The following FLT1 variants were observed in gnomAD, a reference collection of about 807,000 sequenced individuals.
The protein encoded by FLT1 is fms related receptor tyrosine kinase 1, also known as vascular endothelial growth factor receptor 1.
A neutral mutation model predicts 156.3 loss-of-function variants in FLT1; 49 were observed. The ratio of observed to expected loss-of-function variants is 0.31; its 90% CI spans 0.25 to 0.40. The LOEUF is 0.40. FLT1 is among the 10% of genes least tolerant of loss of function. The probability of loss-of-function intolerance (pLI) is 1.00; values close to 1 mark genes in which losing one functional copy is unlikely to be tolerated. For synonymous variants in FLT1, 594 were observed against 583.8 expected (o/e 1.02, Z -0.25); for missense variants, 1,322 against 1,637.2 (o/e 0.81, Z 3.32).
chr13:28,357,803 GT>G, intron 14 of FLT1, 118 bp from the exon 15 acceptor site: 1 of 868,454 alleles, frequency 1.2e-6, no homozygotes, highest in Non-Finnish European at 1.9e-6. Flanking sequence ...CCGAGCTCTA[GT>G]GAACCTGGGG....
At chr13:28,306,809 G>A (rs1475171220) in intron 28 of FLT1, 37 bp from the exon 29 acceptor site, 1 of 1,407,184 alleles carries the variant, frequency 7.1e-7, no homozygotes, top group Non-Finnish European at 1.0e-6. Context: ...CTCTTGCCTG[G>A]CCCAGCGGGG....
chr13:28,467,583 T>G lies in FLT1; in HGVS notation c.99A>C (p.Glu33Asp), dbSNP rs1249069762. 6.2e-7 allele frequency: 1 copy of G among 1,609,632 alleles called. No individual in the cohort carries two copies. The highest frequency in any genetic ancestry group is 1.1e-5 in the South Asian group (1 of 90,210). Residue 33 changes from glutamate (E) to aspartate (D), a missense_variant, in exon 2 of 30, where the codon GAA becomes GAC. This residue lies in a region of FLT1 where 991 missense variants were observed against 1,254.8 expected (regional missense o/e 0.79). Coordinates refer to ENST00000282397, the MANE Select transcript of FLT1 (RefSeq NM_002019.4). ...TGTGCTGGGTGCCTTTTAAACTCAGTTCAGGATCTTTTAATTTTGAACCTG... is the reference window on the plus strand; with the variant it reads ...TGTGCTGGGTGCCTTTTAAACTCAGGTCAGGATCTTTTAATTTTGAACCTG... ...SSSGSKLKDP[E>D]LSLKGTQHIM...
At chr13:28,386,605 A>G (rs1416808526) in intron 13 of FLT1, 1 of 1,055,674 alleles carries the variant, frequency 9.5e-7, no homozygotes, top group East Asian at 5.3e-5. Context: ...ACGTTACGAT[A>G]TTTCTGTTTT....
intron 1 of FLT1, among the ~76,000 whole-genome samples, chr13:28,481,428 A>G (rs900575345): frequency 1.4e-5 from 2 of 144,510 alleles, no homozygotes; most frequent in Non-Finnish European, 3.0e-5. Flanking sequence ...ATTTCTCCTA[A>G]CCTCCTCCGC....
In FLT1 at chr13:28,427,839, C is replaced by T. The variant is rs2137540106; in HGVS notation, c.1189G>A (p.Glu397Lys). Residue 397 changes from glutamate (E) to lysine (K), a missense_variant, in exon 9 of 30, where the codon GAA becomes AAA. Glu to Lys is a moderately conservative substitution (Grantham distance 56, BLOSUM62 1). Around this residue, in one of 3 missense-constraint regions of FLT1, gnomAD observed 991 missense variants for 1,254.8 expected, o/e 0.79. Coordinates refer to ENST00000282397, the MANE Select transcript of FLT1 (RefSeq NM_002019.4). The stretch of plus-strand genomic sequence containing the variant: ...ATTGTATAATTCCCTGCATCCTCTT[C>T]AGTTACGTCCTTGATAATTAACGAG... ...GYSLIIKDVT[E>K]EDAGNYTILL... 1 of 1,613,892 alleles carries T rather than the reference C, an allele frequency of 6.2e-7. No individual in the cohort carries two copies. Among genetic ancestry groups the T allele is most frequent in the Non-Finnish European group, 8.5e-7 (1 of 1,179,786 alleles).
At chr13:28,444,847 TTTAAA>T (rs1878522017) in intron 3 of FLT1, among the ~76,000 whole-genome samples, 4 of 8,094 alleles carry the variant, frequency 4.9e-4, no homozygotes, top group Non-Finnish European at 1.2e-3. Context: ...CATACTAAAA[TTTAAA>T]ATTTACGGGA....
At chr13:28,483,399 A>G (rs1444274371) in intron 1 of FLT1, among the ~76,000 whole-genome samples, 3 of 152,142 alleles carry the variant, frequency 2.0e-5, no homozygotes, top group African/African-American at 7.2e-5. Flanking sequence ...CACCATGCAT[A>G]TTTTTACATA....
intron 14 of FLT1, among the ~76,000 whole-genome samples, chr13:28,369,610 A>T (rs988083206): frequency 3.9e-5 from 6 of 152,230 alleles, no homozygotes; most frequent in African/African-American, 1.2e-4. Flanking sequence ...AATGGTGACC[A>T]TGTGGTTTCT....
At chr13:28,418,179 C>T (rs1458337698) in intron 10 of FLT1, among the ~76,000 whole-genome samples, 1 of 152,148 alleles carries the variant, frequency 6.6e-6, no homozygotes, top group Non-Finnish European at 1.5e-5. Context: ...ACTTGCCACC[C>T]TCCTGAGGCT....
At chr13:28,482,267 C>T (rs112266832) in intron 1 of FLT1, among the ~76,000 whole-genome samples, 19 of 152,164 alleles carry the variant, frequency 1.2e-4, no homozygotes, top group African/African-American at 3.9e-4. Context: ...GAAGAAATCC[C>T]ATCTCTACTA....
rs1276525653 is a variant in FLT1 at position 28,372,064 on chromosome 13, ATATATATATATATTTTT to A, written c.2116+12804_2116+12820del. On this transcript the variant is annotated intron_variant, in intron 14 of 29. Transcript: ENST00000282397. ...TGTGTGTGTGTATATATATATATATATATATATATATATTTTTTTTTTTTTTTTTTTTTTTGAGACAG... is the reference window on the plus strand; with the variant it reads ...TGTGTGTGTGTATATATATATATATATTTTTTTTTTTTTTTTTTGAGACAG... Among the ~76,000 whole-genome samples, 168 of 41,886 alleles carry A rather than the reference ATATATATATATATTTTT, an allele frequency of 4.0e-3. 2 individuals carry two copies. Among genetic ancestry groups the A allele is most frequent in the African/African-American group, 9.3e-3 (101 of 10,848 alleles). 27.5% of individuals were successfully genotyped at this position (41,886 alleles called of 152,430 possible).
chr13:28,489,489 A>G (rs1881356169), intron 1 of FLT1, among the ~76,000 whole-genome samples: 1 of 152,214 alleles, frequency 6.6e-6, no homozygotes, highest in Non-Finnish European at 1.5e-5. Context: ...CTGAAGGAGG[A>G]GTACACCTCA....
intron 17 of FLT1, among the ~76,000 whole-genome samples, chr13:28,337,696 A>T (rs546910754): frequency 6.6e-6 from 1 of 152,192 alleles, no homozygotes; most frequent in Admixed American, 6.5e-5. Context: ...CTGAAATGGG[A>T]TTATTTAAAC....
At chr13:28,386,901 T>A (rs1874398500) in intron 13 of FLT1, 34 of 1,046,282 alleles carry the variant, frequency 3.2e-5, no homozygotes, top group Non-Finnish European at 3.8e-5. Context: ...AGCACACTAT[T>A]TCCCATGCAT....
intron 15 of FLT1, among the ~76,000 whole-genome samples, chr13:28,346,056 C>G (rs905280224): frequency 6.6e-6 from 1 of 151,890 alleles, no homozygotes; most frequent in Non-Finnish European, 1.5e-5. Flanking sequence ...AAAATAAATC[C>G]AGGACTGTCA....
At chr13:28,484,077 A>G (rs1449762244) in intron 1 of FLT1, among the ~76,000 whole-genome samples, 1 of 152,224 alleles carries the variant, frequency 6.6e-6, no homozygotes, top group Non-Finnish European at 1.5e-5. Context: ...GTGGCTAGGA[A>G]GAGACTTGAT....
chr13:28,469,912 G>A (rs1347913457), intron 1 of FLT1, among the ~76,000 whole-genome samples: 1 of 151,854 alleles, frequency 6.6e-6, no homozygotes, highest in African/African-American at 2.4e-5. Flanking sequence ...CATCATCAGC[G>A]TGGCTAATTT....
In FLT1 at chr13:28,395,008, G is replaced by C. The variant is rs145622504; in HGVS notation, c.1660+1952C>G. Among the ~76,000 whole-genome samples the C allele has an allele frequency of 1.8e-4, 27 of 152,282 alleles. No homozygotes were observed. The East Asian group carries it at 4.2e-3, about 24-fold the overall frequency. On this transcript the variant is annotated intron_variant, in intron 12 of 29. Transcript: ENST00000282397. ...TGGGAGACACCACACATGGTGCATGGCCCCTTGCAGTGTGGACAGGGTAAG... is the reference window on the plus strand; with the variant it reads ...TGGGAGACACCACACATGGTGCATGCCCCCTTGCAGTGTGGACAGGGTAAG...
intron 4 of FLT1, among the ~76,000 whole-genome samples, chr13:28,434,649 G>A (rs1424569027): frequency 6.6e-6 from 1 of 152,194 alleles, no homozygotes; most frequent in Non-Finnish European, 1.5e-5. Context: ...TTGGGAGGCC[G>A]AGGTGGGCGG....
Sources: allele counts gnomAD v4.1 joint callset (sites outside exome capture counted in the v4.1 genomes callset), GRCh38; gene constraint gnomAD v4.1.1; regional missense constraint gnomAD v4.1.1; transcripts MANE v1.5; gene names NCBI Gene and HGNC (gene_info 2026-07-23, HGNC 2026-07-21).